SLC7A2: variants seen among roughly 807,000 people sequenced by gnomAD.
SLC7A2 encodes the protein solute carrier family 7 member 2, also known as cationic amino acid transporter 2.
SLC7A2 carries 48 observed loss-of-function variants against 58.9 expected under a neutral mutation model. That is an observed-to-expected ratio of 0.82 (90% CI 0.65 to 1.04). The LOEUF (loss-of-function observed/expected upper bound fraction) is 1.04. SLC7A2 is among the 50% of genes least tolerant of loss of function. The pLI is 0.00. For synonymous variants in SLC7A2, 363 were observed against 314.5 expected (o/e 1.15, Z -1.63); for missense variants, 1,029 against 818.8 (o/e 1.26, Z -3.13).
At chr8:17,561,914 T>A (rs1313860709) in intron 10 of SLC7A2, 30 bp from the exon 11 acceptor site, 4 of 1,609,876 alleles carry the variant, frequency 2.5e-6, no homozygotes, top group Non-Finnish European at 3.4e-6. Context: ...CACAGTGTGC[T>A]GACTCTGTTA....
At position 17,551,529 on chromosome 8, in the gene SLC7A2, G is replaced by A. The variant is rs559683774; in HGVS notation, c.833-235G>A. Among the ~76,000 whole-genome samples the A allele has an allele frequency of 1.2e-4, 18 of 152,138 alleles. No individual in the cohort carries two copies. In the East Asian group the frequency reaches 1.9e-3, roughly 16 times the overall value. ...GGAGAATTGCTTGAACCTGGGAGGC[G>A]TGAGGTTGCAGTGAGTCAAGATCAC... is the stretch of plus-strand genomic sequence containing the variant. On this transcript the variant is annotated intron_variant, in intron 6 of 12. Coordinates refer to ENST00000494857, the MANE Select transcript of SLC7A2 (RefSeq NM_001370338.1).
Position 17,558,377 on chromosome 8 carries a change from A to C in SLC7A2, c.1278A>C (p.Ala426=). The change falls in exon 9 of 13, where the codon GCA becomes GCC. Residue 426 remains alanine (A), a synonymous_variant. Coordinates refer to ENST00000494857, the MANE Select transcript of SLC7A2 (RefSeq NM_001370338.1). ...IGTLMAYSLV[A]ACVLILRYQP... ...CACTCATGGCCTACTCTCTGGTGGC[A>C]GCCTGTGTTCTCATCCTCAGGTGAG... The C allele has an allele frequency of 6.2e-7, 1 of 1,612,652 alleles. No individual in the cohort carries two copies. Among genetic ancestry groups the C allele is most frequent in the Non-Finnish European group, 8.5e-7 (1 of 1,178,946 alleles).
Position 17,551,903 on chromosome 8 carries a change from C to A in SLC7A2, c.972C>A (p.Pro324=). ...MPYYLLDEKS[P]LPVAFEYVGW... is the part of the protein sequence containing the mutation. ...ACTACCTCCTCGATGAAAAAAGCCC[C>A]CTTCCTGTAGCGTTTGAATATGTGG... Residue 324 remains proline, a synonymous_variant, in exon 7 of 13, where the codon CCC becomes CCA. Coordinates refer to ENST00000494857, the MANE Select transcript of SLC7A2 (RefSeq NM_001370338.1). The A allele has an allele frequency of 6.2e-7, 1 of 1,613,976 alleles. No individual in the cohort carries two copies. The highest frequency in any genetic ancestry group is 8.5e-7 in the Non-Finnish European group (1 of 1,180,016).
At chr8:17,542,086 T>C (rs568329941) in intron 2 of SLC7A2, among the ~76,000 whole-genome samples, 20 of 152,346 alleles carry the variant, frequency 1.3e-4, no homozygotes, top group African/African-American at 4.6e-4. Context: ...AAATTCATAC[T>C]TAAAGCATAG....
At chr8:17,497,371 G>A (rs1799994210) in intron 1 of SLC7A2, 134 bp downstream of exon 1, 1 of 152,192 alleles carries the variant, frequency 6.6e-6, no homozygotes, top group South Asian at 2.1e-4. Flanking sequence ...GGGCTCCCGG[G>A]GACGAGTCCA....
At chr8:17,503,241 G>C (rs527310684) in intron 2 of SLC7A2, among the ~76,000 whole-genome samples, 1 of 151,866 alleles carries the variant, frequency 6.6e-6, no homozygotes, top group African/African-American at 2.4e-5. Flanking sequence ...TAGTAGAGAC[G>C]GGGTTTCACC....
chr8:17,505,437 A>G (rs1350994018), intron 2 of SLC7A2, among the ~76,000 whole-genome samples: 1 of 152,146 alleles, frequency 6.6e-6, no homozygotes, highest in Non-Finnish European at 1.5e-5. Flanking sequence ...GGTCACTCTG[A>G]GTCACAGAGG....
At chr8:17,528,940 C>T (rs183785054) in intron 2 of SLC7A2, among the ~76,000 whole-genome samples, 16 of 151,988 alleles carry the variant, frequency 1.1e-4, no homozygotes, top group Non-Finnish European at 1.2e-4. Context: ...ACAACATGGC[C>T]GCCTGTCGGG....
At chr8:17,494,233 C>T (rs530027833), upstream of SLC7A2, among the ~76,000 whole-genome samples, 18 of 152,274 alleles carry the variant, frequency 1.2e-4, no homozygotes, top group African/African-American at 4.1e-4. Flanking sequence ...ATGAGATTTA[C>T]TTTAGGTTGT....
intron 2 of SLC7A2, among the ~76,000 whole-genome samples, chr8:17,517,831 G>A (rs1019565704): frequency 9.2e-5 from 14 of 152,038 alleles, no homozygotes; most frequent in Non-Finnish European, 1.3e-4. Context: ...GGGGGCTGCC[G>A]AGAGCCTGGG....
chr8:17,499,341 G>GTCTCTCTC (rs370860922), intron 1 of SLC7A2: 4 of 119,972 alleles, frequency 3.3e-5, no homozygotes, highest in Admixed American at 1.7e-4. Context: ...CTCTCTCTCT[G>GTCTCTCTC]TCTCTCTCTC....
At chr8:17,561,653 G>A (rs531985569) in intron 10 of SLC7A2, among the ~76,000 whole-genome samples, 1 of 152,316 alleles carries the variant, frequency 6.6e-6, no homozygotes, top group South Asian at 2.1e-4. Context: ...AAAGTAACCA[G>A]TGAGGACACA....
upstream of SLC7A2, among the ~76,000 whole-genome samples, chr8:17,494,417 T>A (rs1020714615): frequency 6.6e-6 from 1 of 152,176 alleles, no homozygotes; most frequent in Non-Finnish European, 1.5e-5. Context: ...AAGTTGGATT[T>A]TCTGCTTCAT....
chr8:17,518,954 G>A (rs1242741173), intron 2 of SLC7A2, among the ~76,000 whole-genome samples: 1 of 152,130 alleles, frequency 6.6e-6, no homozygotes, highest in Non-Finnish European at 1.5e-5. Flanking sequence ...CCTTCTCCCT[G>A]TGTCCTCAGT....
At chr8:17,554,957 C>G (rs1298609627) in intron 8 of SLC7A2, 2 of 1,613,942 alleles carry the variant, frequency 1.2e-6, no homozygotes, top group Non-Finnish European at 8.5e-7. Context: ...CTTCTGGGCT[C>G]TATGTTTCCT....
At chr8:17,536,979 T>C (rs966501345) in intron 2 of SLC7A2, among the ~76,000 whole-genome samples, 1 of 152,236 alleles carries the variant, frequency 6.6e-6, no homozygotes, top group Non-Finnish European at 1.5e-5. Flanking sequence ...CCCAGGCTCC[T>C]CTTGCCCTGC....
At position 17,561,931 on chromosome 8, in the gene SLC7A2, C is replaced by T. The variant is rs778647435; in HGVS notation, c.1505-13C>T. ...CAGTGTGCTGACTCTGTTATCTACA[C>T]ATCCCCCTGCAGCTTTCCTCGTGTT... is the stretch of plus-strand genomic sequence containing the variant. On this transcript the variant is annotated splice_polypyrimidine_tract_variant and intron_variant, in intron 10 of 12. Transcript: ENST00000494857. 1.2e-6 allele frequency: 2 copies of T among 1,613,514 alleles called. No individual in the cohort carries two copies. The highest frequency in any genetic ancestry group is 2.2e-5 in the South Asian group (2 of 91,006).
At position 17,522,696 on chromosome 8, in the gene SLC7A2, T is replaced by C. The variant is rs10099901; in HGVS notation, c.-23+20394T>C. Among the ~76,000 whole-genome samples, 131 of 151,870 alleles carry C rather than the reference T, an allele frequency of 8.6e-4. 1 individual carries two copies. The highest frequency in any genetic ancestry group is 2.8e-3 in the African/African-American group (115 of 41,386). ...CTAGGGTCAAATTCTAGCTAATAGC[T>C]AGTGAGGGAAAGCTTCCTTTGTGAC... On this transcript the variant is annotated intron_variant, in intron 2 of 12. Transcript: ENST00000494857.
chr8:17,532,107 G>A (rs1213940568), intron 2 of SLC7A2, among the ~76,000 whole-genome samples: 2 of 151,644 alleles, frequency 1.3e-5, no homozygotes, highest in African/African-American at 4.8e-5. Context: ...GGCGGTGCCT[G>A]TAATCCCAGC....
Sources: allele counts gnomAD v4.1 joint callset (sites outside exome capture counted in the v4.1 genomes callset), GRCh38; gene constraint gnomAD v4.1.1; transcripts MANE v1.5; gene names NCBI Gene and HGNC (gene_info 2026-07-23, HGNC 2026-07-21).